EPHA3: variants seen among roughly 807,000 people sequenced by gnomAD.
EPHA3 encodes ephrin type-A receptor 3.
Under a neutral mutation model 107.1 loss-of-function variants are expected in EPHA3, and 42 were observed. The observed-to-expected ratio is 0.39, with a 90% CI of 0.31 to 0.51. EPHA3 has a LOEUF of 0.51. EPHA3 is among the 20% of genes least tolerant of loss of function. The pLI, the probability that EPHA3 is intolerant of heterozygous loss-of-function variation, is 0.78. For synonymous variants in EPHA3, 461 were observed against 424.8 expected, an observed-to-expected ratio of 1.09 and a Z score of -1.05; for missense variants, 1,183 against 1,211.2, an observed-to-expected ratio of 0.98 and a Z score of 0.35.
In EPHA3 at chr3:89,452,618, C is replaced by G. The variant is rs192691306; in HGVS notation, c.2690+2248C>G. Among the ~76,000 whole-genome samples, 313 of 152,206 alleles carry G rather than the reference C, an allele frequency of 2.1e-3. 1 individual carries two copies. The highest frequency in any genetic ancestry group is 4.3e-3 in the Admixed American group (65 of 15,286). Reference sequence around the variant, plus strand: ...ATTAGCCACCTATGAGATATATTGACTGTAAATATTTTCTCTTCTTCTGTG... The same window carrying G: ...ATTAGCCACCTATGAGATATATTGAGTGTAAATATTTTCTCTTCTTCTGTG... On this transcript the variant is annotated intron_variant, in intron 15 of 16. Coordinates refer to ENST00000336596, the MANE Select transcript of EPHA3 (RefSeq NM_005233.6).
intron 16 of EPHA3, among the ~76,000 whole-genome samples, 166 bp downstream of exon 16, chr3:89,472,785 G>A (rs1710434381): frequency 6.6e-6 from 1 of 152,106 alleles, no homozygotes; most frequent in South Asian, 2.1e-4. Flanking sequence ...GGGTCTCCTT[G>A]TGGCCCACAG....
chr3:89,415,286 T>A (rs1709223493), intron 10 of EPHA3, among the ~76,000 whole-genome samples: 1 of 150,954 alleles, frequency 6.6e-6, no homozygotes, highest in African/African-American at 2.4e-5. Flanking sequence ...AATGAACAAA[T>A]GGCAACCTTG....
chr3:89,135,265 T>A (rs1212291025), intron 2 of EPHA3, among the ~76,000 whole-genome samples: 1 of 152,090 alleles, frequency 6.6e-6, no homozygotes, highest in East Asian at 1.9e-4. Flanking sequence ...ACCTGATAAG[T>A]TCCTCTACCT....
intron 15 of EPHA3, among the ~76,000 whole-genome samples, chr3:89,460,456 G>A (rs1710202152): frequency 6.6e-6 from 1 of 151,218 alleles, no homozygotes; most frequent in South Asian, 2.1e-4. Context: ...TAAATATATT[G>A]TTTCATTGCA....
At chr3:89,397,868 C>A (rs1160050742) in intron 6 of EPHA3, among the ~76,000 whole-genome samples, 1 of 152,150 alleles carries the variant, frequency 6.6e-6, no homozygotes, top group Non-Finnish European at 1.5e-5. Context: ...CAGGCGTGAG[C>A]CACCACCCCT....
At chr3:89,135,041 T>C (rs186818182) in intron 2 of EPHA3, among the ~76,000 whole-genome samples, 12 of 152,322 alleles carry the variant, frequency 7.9e-5, no homozygotes, top group African/African-American at 2.6e-4. Context: ...CTGCAATTAC[T>C]TTTGCACCAA....
At chr3:89,423,009 A>T (rs1709384001) in intron 11 of EPHA3, among the ~76,000 whole-genome samples, 1 of 151,372 alleles carries the variant, frequency 6.6e-6, no homozygotes, top group Non-Finnish European at 1.5e-5. Context: ...GCTGAAGTTC[A>T]AAAGGATAGA....
At chr3:89,111,557 T>C (rs1707111325) in intron 1 of EPHA3, among the ~76,000 whole-genome samples, 1 of 133,716 alleles carries the variant, frequency 7.5e-6, no homozygotes, top group African/African-American at 2.7e-5. Context: ...TGCCTGAAGG[T>C]AGGAGAAACC....
At chr3:89,383,479 G>T (rs1168666244) in intron 5 of EPHA3, among the ~76,000 whole-genome samples, 1 of 151,954 alleles carries the variant, frequency 6.6e-6, no homozygotes, top group Non-Finnish European at 1.5e-5. Flanking sequence ...GCTCCACAGA[G>T]AATCCTGCAA....
chr3:89,354,093 C>CA (rs1707893292), intron 5 of EPHA3, among the ~76,000 whole-genome samples: 1 of 151,110 alleles, frequency 6.6e-6, no homozygotes, highest in Non-Finnish European at 1.5e-5. Flanking sequence ...CCCCCAAGGG[C>CA]AAAAAATATT....
intron 2 of EPHA3, among the ~76,000 whole-genome samples, chr3:89,192,745 A>G (rs1705749505): frequency 6.6e-6 from 1 of 152,058 alleles, no homozygotes; most frequent in Non-Finnish European, 1.5e-5. Context: ...GGTATATGTT[A>G]CCATTTTAGG....
At chr3:89,249,669 C>T (rs1356815674) in intron 3 of EPHA3, among the ~76,000 whole-genome samples, 1 of 152,060 alleles carries the variant, frequency 6.6e-6, no homozygotes, top group Non-Finnish European at 1.5e-5. Context: ...CCACATTGCC[C>T]TCACTGGCCT....
chr3:89,410,042 G>A (rs1709128514), intron 9 of EPHA3, among the ~76,000 whole-genome samples: 1 of 151,916 alleles, frequency 6.6e-6, no homozygotes, highest in Non-Finnish European at 1.5e-5. Context: ...TTGGTGTGAA[G>A]GGATTATGTG....
chr3:89,454,110 A>G (rs1399416098), intron 15 of EPHA3, among the ~76,000 whole-genome samples: 1 of 152,182 alleles, frequency 6.6e-6, no homozygotes, highest in Non-Finnish European at 1.5e-5. Flanking sequence ...CTCCAGGAAA[A>G]GAGAATGGAG....
chr3:89,281,337 T>A (rs146723815), intron 3 of EPHA3, among the ~76,000 whole-genome samples: 9 of 152,204 alleles, frequency 5.9e-5, no homozygotes, highest in African/African-American at 2.2e-4. Context: ...TCACAACATA[T>A]TATAGCTGTT....
chr3:89,324,119 T>C (rs1204426869), intron 3 of EPHA3, among the ~76,000 whole-genome samples: 1 of 151,836 alleles, frequency 6.6e-6, no homozygotes, highest in Non-Finnish European at 1.5e-5. Flanking sequence ...ATAGGAATAG[T>C]TCCCAACTGC....
At chr3:89,364,662 CTTGTTTTTCT>C (rs1305416872) in intron 5 of EPHA3, among the ~76,000 whole-genome samples, 19 of 150,728 alleles carry the variant, frequency 1.3e-4, no homozygotes, top group African/African-American at 4.4e-4. Flanking sequence ...AAAGGCAACA[CTTGTTTTTCT>C]AGATTTTATG....
intron 3 of EPHA3, among the ~76,000 whole-genome samples, chr3:89,261,842 C>T (rs977562611): frequency 1.3e-5 from 2 of 150,444 alleles, no homozygotes; most frequent in African/African-American, 2.4e-5. Context: ...AAAGTCATTG[C>T]GGTTTTTGCC....
chr3:89,262,633 G>T (rs1049913627), intron 3 of EPHA3, among the ~76,000 whole-genome samples: 1 of 152,188 alleles, frequency 6.6e-6, no homozygotes, highest in South Asian at 2.1e-4. Flanking sequence ...TCCCCGACCC[G>T]GTCGCATGAT....
Sources: allele counts gnomAD v4.1 joint callset (sites outside exome capture counted in the v4.1 genomes callset), GRCh38; gene constraint gnomAD v4.1.1; transcripts MANE v1.5; gene names NCBI Gene and HGNC (gene_info 2026-07-23, HGNC 2026-07-21).